TENT2: variants seen among roughly 807,000 people sequenced by gnomAD.
TENT2 encodes terminal nucleotidyltransferase 2, also known as poly(A) RNA polymerase GLD2.
Under a neutral mutation model 72.2 loss-of-function variants are expected in TENT2, and 44 were observed. The ratio of observed to expected loss-of-function variants is 0.61; its 90% CI spans 0.48 to 0.78. The LOEUF is 0.78. Ranked by LOEUF, TENT2 falls within the 30% of genes least tolerant of loss-of-function variation. The pLI is 0.00. For missense variants in TENT2, 541 were observed against 569.6 expected (o/e 0.95, Z 0.51); for synonymous variants, 212 against 192.5 (o/e 1.10, Z -0.84).
intron 4 of TENT2, among the ~76,000 whole-genome samples, chr5:79,636,500 G>A (rs1178266312): frequency 2.0e-5 from 3 of 152,176 alleles, no homozygotes; most frequent in Non-Finnish European, 4.4e-5. Flanking sequence ...ATAGAAGTCA[G>A]GTAGGTTAAA....
chr5:79,660,467 T>G (rs1414643305), intron 11 of TENT2, among the ~76,000 whole-genome samples: 1 of 151,604 alleles, frequency 6.6e-6, no homozygotes, highest in African/African-American at 2.4e-5. Flanking sequence ...AAAAGTATCT[T>G]TGTACTCTAG....
At chr5:79,656,268 G>A (rs1797908937) in intron 10 of TENT2, among the ~76,000 whole-genome samples, 1 of 151,770 alleles carries the variant, frequency 6.6e-6, no homozygotes, top group South Asian at 2.1e-4. Flanking sequence ...TGTTTAAAAC[G>A]ATTGGTGAAG....
chr5:79,616,161 A>ATAG (rs1020997662), intron 1 of TENT2, among the ~76,000 whole-genome samples: 5 of 135,676 alleles, frequency 3.7e-5, no homozygotes, highest in Non-Finnish European at 7.9e-5. Flanking sequence ...TGTTGGGATT[A>ATAG]TAGGCATGAG....
At chr5:79,621,871 T>TA (rs1765288622) in intron 3 of TENT2, among the ~76,000 whole-genome samples, 1 of 152,286 alleles carries the variant, frequency 6.6e-6, no homozygotes, top group Non-Finnish European at 1.5e-5. Flanking sequence ...AGCTCTAAAA[T>TA]ACTTTTATGT....
chr5:79,671,932 C>CT (rs1359002142), intron 12 of TENT2, among the ~76,000 whole-genome samples: 1 of 151,804 alleles, frequency 6.6e-6, no homozygotes, highest in Non-Finnish European at 1.5e-5. Flanking sequence ...GCAAAACCCC[C>CT]TTTCTACTAA....
chr5:79,634,107 A>T (rs1306020215), intron 4 of TENT2, among the ~76,000 whole-genome samples: 2 of 149,330 alleles, frequency 1.3e-5, no homozygotes, highest in Admixed American at 6.7e-5. Context: ...AGTGAGCCGA[A>T]TCGTGCCACT....
chr5:79,636,006 T>C (rs1779858379), intron 4 of TENT2, among the ~76,000 whole-genome samples: 1 of 152,250 alleles, frequency 6.6e-6, no homozygotes, highest in South Asian at 2.1e-4. Flanking sequence ...AGGTCCTCTG[T>C]TGCATATTCT....
intron 3 of TENT2, among the ~76,000 whole-genome samples, chr5:79,620,290 T>C (rs559124874): frequency 6.6e-6 from 1 of 152,306 alleles, no homozygotes; most frequent in Admixed American, 6.5e-5. Flanking sequence ...TGCTTTATTG[T>C]ATGTTTGTTT....
intron 12 of TENT2, among the ~76,000 whole-genome samples, chr5:79,669,734 A>C (rs1412602715): frequency 2.0e-5 from 3 of 151,926 alleles, no homozygotes; most frequent in Non-Finnish European, 2.9e-5. Flanking sequence ...TAGGGTAATA[A>C]TAATAGTAAT....
chr5:79,628,717 A>G (rs1356908283), intron 4 of TENT2, among the ~76,000 whole-genome samples: 1 of 152,186 alleles, frequency 6.6e-6, no homozygotes, highest in African/African-American at 2.4e-5. Flanking sequence ...CTATGAGAGA[A>G]TCTACTATAA....
At chr5:79,644,292 C>A (rs1786980058) in intron 7 of TENT2, among the ~76,000 whole-genome samples, 1 of 151,984 alleles carries the variant, frequency 6.6e-6, no homozygotes. Flanking sequence ...GATATATATT[C>A]TGTAATTTTG....
chr5:79,672,659 A>G (rs1346317899), intron 12 of TENT2, among the ~76,000 whole-genome samples: 3 of 152,230 alleles, frequency 2.0e-5, no homozygotes, highest in East Asian at 3.8e-4. Context: ...GTATGGCTCA[A>G]TAGTACTCTA....
chr5:79,637,312 G>A (rs146932027), intron 4 of TENT2, among the ~76,000 whole-genome samples: 16 of 152,128 alleles, frequency 1.1e-4, no homozygotes, highest in Admixed American at 3.9e-4. Flanking sequence ...ACTTTCAGGC[G>A]TTATTTCTTC....
intron 4 of TENT2, among the ~76,000 whole-genome samples, chr5:79,633,721 GTTT>G (rs10565563): frequency 7.7e-6 from 1 of 130,244 alleles, no homozygotes. Context: ...AGGCTAAAAA[GTTT>G]TTTTTTTTTT....
rs1314324214 is a variant in TENT2 at position 79,669,666 on chromosome 5, T to C, written c.1208+638T>C. ...GGGGGAAGAGAGAAGATTGAGGAAT[T>C]GTACAGTATTAGAGGCAGGTACAGT... On this transcript the variant is annotated intron_variant, in intron 12 of 14. Coordinates refer to ENST00000453514, the MANE Select transcript of TENT2 (RefSeq NM_001114394.3). Among the ~76,000 whole-genome samples, 28 of 152,042 alleles carry C rather than the reference T, an allele frequency of 1.8e-4. 1 individual carries two copies. The highest frequency in any genetic ancestry group is 1.8e-3 in the Admixed American group (28 of 15,256).
At chr5:79,675,512 G>C (rs567074190) in intron 12 of TENT2, among the ~76,000 whole-genome samples, 5 of 152,258 alleles carry the variant, frequency 3.3e-5, no homozygotes, top group South Asian at 2.1e-4. Flanking sequence ...AGTACGGTTG[G>C]GGGTAGTAAC....
At chr5:79,675,738 T>C (rs1244178289) in intron 12 of TENT2, among the ~76,000 whole-genome samples, 1 of 152,206 alleles carries the variant, frequency 6.6e-6, no homozygotes, top group East Asian at 1.9e-4. Context: ...ATGCATGGGA[T>C]ATATTACATT....
intron 3 of TENT2, among the ~76,000 whole-genome samples, chr5:79,621,151 G>A (rs1439225104): frequency 6.6e-6 from 1 of 151,408 alleles, no homozygotes; most frequent in Non-Finnish European, 1.5e-5. Flanking sequence ...TTATTATGTA[G>A]TAATCATTAT....
chr5:79,624,110 C>G (rs899229005), intron 4 of TENT2, among the ~76,000 whole-genome samples: 2 of 152,076 alleles, frequency 1.3e-5, no homozygotes, highest in Admixed American at 6.5e-5. Flanking sequence ...TAAAAAATCA[C>G]CTTCTAGGTA....
Sources: allele counts gnomAD v4.1 joint callset (sites outside exome capture counted in the v4.1 genomes callset), GRCh38; gene constraint gnomAD v4.1.1; transcripts MANE v1.5; gene names NCBI Gene and HGNC (gene_info 2026-07-23, HGNC 2026-07-21).